The following NAA20 variants were observed in gnomAD, a reference collection of about 807,000 sequenced individuals.
NAA20 encodes the protein N-alpha-acetyltransferase 20, NatB catalytic subunit, also known as N-alpha-acetyltransferase 20.
NAA20 carries 24 observed loss-of-function variants against 23.8 expected under a neutral mutation model. The ratio of observed to expected loss-of-function variants is 1.01; its 90% confidence interval spans 0.73 to 1.42. The LOEUF is 1.42. Among genes scored for constraint, NAA20 ranks in the 40% most tolerant of loss-of-function variants. NAA20 has a pLI of 0.00. For missense variants in NAA20, 166 were observed against 223.1 expected (o/e 0.74, Z 1.63); for synonymous variants, 83 against 77.7 (o/e 1.07, Z -0.36).
At chr20:20,032,403 A>G (rs1014042431) in intron 4 of NAA20, 105 bp from the exon 5 acceptor site, 7 of 1,061,746 alleles carry the variant, frequency 6.6e-6, no homozygotes, top group African/African-American at 1.7e-5. Context: ...CATTCTGAGT[A>G]GTAGTCAAAG....
intron 4 of NAA20, among the ~76,000 whole-genome samples, chr20:20,029,702 A>G (rs374782692): frequency 1.1e-4 from 16 of 152,140 alleles, no homozygotes; most frequent in African/African-American, 3.6e-4. Context: ...TGACAAAACT[A>G]CAAGGAGAAA....
At position 20,017,407 on chromosome 20, in the gene NAA20, T is replaced by C. The variant is rs752372862; in HGVS notation, c.11T>C (p.Leu4Pro). 2.5e-6 allele frequency: 4 copies of C among 1,611,862 alleles called. No homozygotes were observed. Among genetic ancestry groups the C allele is most frequent in the Non-Finnish European group, 3.4e-6 (4 of 1,179,448 alleles). The change falls in exon 1 of 6, where the codon CTA becomes CCA. Residue 4 changes from leucine (L) to proline (P), a missense_variant. By Grantham distance (98) the Leu-to-Pro change is moderately conservative. Transcript: ENST00000334982. The stretch of plus-strand genomic sequence containing the variant: ...AGCGGCGGCGGCGCGATGACCACGC[T>C]ACGGGCCTTTACCTGCGACGACCTG... MTTLRAFTCDDLFR... is the reference protein window; with the variant it reads MTTPRAFTCDDLFR...
intron 1 of NAA20, chr20:20,017,699 T>G (rs2043240885): frequency 7.0e-7 from 1 of 1,426,646 alleles, no homozygotes; most frequent in Admixed American, 2.9e-5. Context: ...CTCTGGACCC[T>G]GCGAGCTGGC....
chr20:20,031,980 C>G (rs749302445), intron 4 of NAA20, among the ~76,000 whole-genome samples: 1 of 152,182 alleles, frequency 6.6e-6, no homozygotes, highest in Non-Finnish European at 1.5e-5. Flanking sequence ...CCCTGTGACA[C>G]AACAGTGAGA....
At chr20:20,027,752 T>A (rs6132260) in intron 4 of NAA20, among the ~76,000 whole-genome samples, 8,964 of 113,754 alleles carry the variant, frequency 0.079, 330 homozygotes, top group East Asian at 0.12. Context: ...CAGCATGGCA[T>A]TTTTTTTTTT....
Position 20,026,892 on chromosome 20 carries a change from T to C in NAA20, c.278T>C (p.Met93Thr), listed in dbSNP as rs1454204304. The change falls in exon 4 of 6, where the codon ATG becomes ACG. Residue 93 changes from methionine to threonine, a missense_variant. Met to Thr is a moderately conservative substitution (Grantham distance 81, BLOSUM62 -1). Coordinates refer to ENST00000334982, the MANE Select transcript of NAA20 (RefSeq NM_016100.5). ...FRRLGLAAKL[M>T]ELLEEISERK... Reference sequence around the variant, plus strand: ...CGCCTTGGTTTGGCTGCTAAACTTATGGAGTTACTAGAGGAGATTTCAGAA... The same window carrying C: ...CGCCTTGGTTTGGCTGCTAAACTTACGGAGTTACTAGAGGAGATTTCAGAA... 6 of 1,614,222 alleles carry C rather than the reference T, an allele frequency of 3.7e-6. No individual in the cohort carries two copies. Among genetic ancestry groups the C allele is most frequent in the South Asian group, 1.1e-5 (1 of 91,090 alleles).
chr20:20,028,709 T>A (rs6112720), intron 4 of NAA20, among the ~76,000 whole-genome samples: 1,749 of 152,218 alleles, frequency 0.011, 23 homozygotes, highest in African/African-American at 0.04. Flanking sequence ...TATGCTTATA[T>A]ACACTATATA....
At position 20,033,487 on chromosome 20, in the gene NAA20, A is replaced by G; in HGVS notation, c.*300A>G. Reference sequence around the variant, plus strand: ...GTATGCTAGGGAAAAGACTTGCTCCAGTCTCCTCCTCAGTTCTGTGCCTGA... The same window carrying G: ...GTATGCTAGGGAAAAGACTTGCTCCGGTCTCCTCCTCAGTTCTGTGCCTGA... On this transcript the variant is annotated 3_prime_UTR_variant, in exon 6 of 6. Transcript: ENST00000334982. 2 of 257,038 alleles carry G rather than the reference A, an allele frequency of 7.8e-6. No homozygotes were observed. Among genetic ancestry groups the G allele is most frequent in the East Asian group, 7.1e-5 (1 of 14,090 alleles). 15.9% of individuals were successfully genotyped at this position (257,038 alleles called of 1,614,324 possible).
chr20:20,021,054 C>CGGG (rs2043264735), intron 1 of NAA20, among the ~76,000 whole-genome samples: 2 of 78,482 alleles, frequency 2.5e-5, no homozygotes, highest in Admixed American at 1.5e-4. Context: ...GGGGGGGGGA[C>CGGG]TTTGGCAAAG....
At chr20:20,022,349 A>G (rs1393160924) in intron 1 of NAA20, 107 bp from the exon 2 acceptor site, 2 of 1,141,558 alleles carry the variant, frequency 1.8e-6, no homozygotes, top group Middle Eastern at 2.0e-4. Context: ...TGTTGATGAA[A>G]CATGTTTTGT....
At chr20:20,023,228 G>C (rs2043283192) in intron 2 of NAA20, among the ~76,000 whole-genome samples, 1 of 151,774 alleles carries the variant, frequency 6.6e-6, no homozygotes, top group Admixed American at 6.6e-5. Context: ...GGGAGGCAGA[G>C]GTTGCAGTGA....
In NAA20 at chr20:20,032,011, G is replaced by A. The variant is rs1374150097; in HGVS notation, c.306-497G>A. 2.0e-5 allele frequency among the ~76,000 whole-genome samples: 3 copies of A among 152,026 alleles called. 1 individual carries two copies. The highest frequency in any genetic ancestry group is 6.5e-5 in the Admixed American group (1 of 15,278). On this transcript the variant is annotated intron_variant, in intron 4 of 5. Transcript: ENST00000334982. ...TGAGACTCCTAGCTATAGACCTTAC[G>A]TGAGACACTCAACAGAAGTATTCAC...
intron 5 of NAA20, 22 bp from the exon 6 acceptor site, chr20:20,033,075 TTTATA>T (rs767461730): frequency 6.5e-7 from 1 of 1,540,454 alleles, no homozygotes; most frequent in Non-Finnish European, 9.0e-7. Context: ...TTTTTGGGTG[TTTATA>T]TTAAACTTTG....
At chr20:20,018,864 C>T in intron 1 of NAA20, 1 of 985,140 alleles carries the variant, frequency 1.0e-6, no homozygotes, top group Non-Finnish European at 1.2e-6. Context: ...AGTGAATTGG[C>T]CCAGGTGAGA....
intron 4 of NAA20, among the ~76,000 whole-genome samples, chr20:20,031,648 G>A (rs2043344577): frequency 6.6e-6 from 1 of 152,082 alleles, no homozygotes; most frequent in Non-Finnish European, 1.5e-5. Context: ...ATTGGAAAAA[G>A]ATACTTGCAG....
intron 3 of NAA20, among the ~76,000 whole-genome samples, chr20:20,026,096 G>A (rs577057823): frequency 3.3e-5 from 5 of 152,176 alleles, no homozygotes; most frequent in African/African-American, 4.8e-5. Context: ...TTTGAGGTCA[G>A]GAGTTCAAGA....
intron 4 of NAA20, among the ~76,000 whole-genome samples, chr20:20,028,508 G>A (rs377725981): frequency 2.0e-5 from 3 of 152,060 alleles, no homozygotes; most frequent in Non-Finnish European, 4.4e-5. Flanking sequence ...AAAGCAGGTC[G>A]TAACTAGCTA....
intron 2 of NAA20, chr20:20,022,727 T>C (rs1430249718): frequency 1.2e-5 from 5 of 408,628 alleles, no homozygotes; most frequent in Non-Finnish European, 2.2e-5. Flanking sequence ...CCTGCCAACC[T>C]TGCCCCTCAG....
chr20:20,021,254 C>T (rs941188858), intron 1 of NAA20, among the ~76,000 whole-genome samples: 8 of 152,150 alleles, frequency 5.3e-5, no homozygotes, highest in African/African-American at 1.7e-4. Context: ...TTGGGGTCCC[C>T]AAGATTGTTT....
Sources: allele counts gnomAD v4.1 joint callset (sites outside exome capture counted in the v4.1 genomes callset), GRCh38; gene constraint gnomAD v4.1.1; transcripts MANE v1.5; gene names NCBI Gene and HGNC (gene_info 2026-07-23, HGNC 2026-07-21).